The following KCNJ3 variants were observed in gnomAD, a reference collection of about 807,000 sequenced individuals.
KCNJ3 encodes potassium inwardly rectifying channel subfamily J member 3.
In KCNJ3, 4 loss-of-function variants were observed where a neutral mutation model predicts 39.2. The ratio of observed to expected loss-of-function variants is 0.10; its 90% CI spans 0.05 to 0.23. The LOEUF (loss-of-function observed/expected upper bound fraction) is 0.23, where lower values mean the gene tolerates loss of function less well. Ranked by LOEUF, KCNJ3 falls within the 10% of genes least tolerant of loss-of-function variation. KCNJ3 has a pLI of 1.00. For synonymous variants in KCNJ3, 230 were observed against 237.4 expected (o/e 0.97, Z 0.29); for missense variants, 276 against 634.9 (o/e 0.43, Z 6.08).
In KCNJ3 at chr2:154,731,481, AT is replaced by A. The variant is rs199685508; in HGVS notation, c.919+21671del. On this transcript the variant is annotated intron_variant, in intron 2 of 2. Transcript: ENST00000295101. ...AATTTATCTAGTTAATTCAAGGAAA[AT>A]TTTTTTTTCTGAAATGTACAAGTTA... 4.7e-3 allele frequency among the ~76,000 whole-genome samples: 714 copies of A among 151,034 alleles called. 2 individuals are homozygous for A. The highest frequency in any genetic ancestry group is 0.013 in the African/African-American group (533 of 41,192).
chr2:154,728,673 T>C (rs1685400351), intron 2 of KCNJ3, among the ~76,000 whole-genome samples: 2 of 152,160 alleles, frequency 1.3e-5, no homozygotes, highest in South Asian at 4.1e-4. Flanking sequence ...TGTCAGGTGA[T>C]TGGGCTGTAG....
chr2:154,727,423 T>TA (rs747975225), intron 2 of KCNJ3, among the ~76,000 whole-genome samples: 2,889 of 142,130 alleles, frequency 0.02, 55 homozygotes, highest in Non-Finnish European at 0.025. Flanking sequence ...CCGTCTCTAC[T>TA]AAAAAAAAAA....
At chr2:154,821,691 G>C (rs532309340) in intron 2 of KCNJ3, among the ~76,000 whole-genome samples, 1 of 137,870 alleles carries the variant, frequency 7.3e-6, no homozygotes, top group South Asian at 2.3e-4. Flanking sequence ...GTCCAGGCTA[G>C]AGTTTAGTGG....
At chr2:154,793,067 T>C (rs1686664272) in intron 2 of KCNJ3, among the ~76,000 whole-genome samples, 2 of 152,110 alleles carry the variant, frequency 1.3e-5, no homozygotes, top group African/African-American at 4.8e-5. Context: ...CACAGGCTGA[T>C]TTAAAATTTT....
At chr2:154,715,172 T>C (rs1433065394) in intron 2 of KCNJ3, among the ~76,000 whole-genome samples, 1 of 152,230 alleles carries the variant, frequency 6.6e-6, no homozygotes, top group Admixed American at 6.5e-5. Flanking sequence ...ATCACGGTAC[T>C]TCTAAATCAC....
At chr2:154,815,356 T>C (rs1687066917) in intron 2 of KCNJ3, among the ~76,000 whole-genome samples, 2 of 152,342 alleles carry the variant, frequency 1.3e-5, no homozygotes, top group South Asian at 4.1e-4. Context: ...CAAAGATCTA[T>C]ATCAATAATT....
In KCNJ3 at chr2:154,790,109, G is replaced by A. The variant is rs530011303; in HGVS notation, c.920-64618G>A. Among the ~76,000 whole-genome samples the A allele has an allele frequency of 8.5e-5, 13 of 152,144 alleles. No homozygotes were observed. The Middle Eastern group carries it at 0.01, about 119-fold the overall frequency. Reference sequence around the variant, plus strand: ...GGGGGCATGATCTTACTTCTTTGTCGTGACAGATAAACGACAGAGAGAACA... The same window carrying A: ...GGGGGCATGATCTTACTTCTTTGTCATGACAGATAAACGACAGAGAGAACA... On this transcript the variant is annotated intron_variant, in intron 2 of 2. Transcript: ENST00000295101.
intron 2 of KCNJ3, among the ~76,000 whole-genome samples, chr2:154,759,623 C>A: frequency 6.6e-6 from 1 of 151,698 alleles, no homozygotes; most frequent in East Asian, 1.9e-4. Flanking sequence ...TCACTAAGAC[C>A]AAAGCACCTT....
intron 1 of KCNJ3, among the ~76,000 whole-genome samples, chr2:154,707,915 C>T (rs190599705): frequency 5.3e-5 from 8 of 152,170 alleles, no homozygotes. Context: ...AGATGTTGGT[C>T]TCATTTATGT....
At chr2:154,731,431 C>T (rs185015044) in intron 2 of KCNJ3, among the ~76,000 whole-genome samples, 2 of 152,006 alleles carry the variant, frequency 1.3e-5, no homozygotes, top group East Asian at 3.9e-4. Flanking sequence ...TTCCTATGCC[C>T]ATTTTTCTGT....
chr2:154,844,905 G>A (rs572163752), intron 2 of KCNJ3, among the ~76,000 whole-genome samples: 4 of 152,274 alleles, frequency 2.6e-5, no homozygotes, highest in African/African-American at 9.6e-5. Flanking sequence ...TGCTTCCTGG[G>A]TGAGGCGACG....
At chr2:154,830,137 C>A (rs1378191308) in intron 2 of KCNJ3, among the ~76,000 whole-genome samples, 1 of 152,096 alleles carries the variant, frequency 6.6e-6, no homozygotes, top group Non-Finnish European at 1.5e-5. Context: ...ACAGGAAATT[C>A]CTCCTCTGTA....
chr2:154,711,788 T>C (rs1451346719), intron 2 of KCNJ3, among the ~76,000 whole-genome samples: 1 of 152,156 alleles, frequency 6.6e-6, no homozygotes, highest in Non-Finnish European at 1.5e-5. Context: ...CAGAGGATCA[T>C]GGTTAGTACA....
chr2:154,851,200 C>A lies in KCNJ3; in HGVS notation c.920-3527C>A, dbSNP rs577086539. ...GAGGCTGCAGTGAGCTATGATCCCA[C>A]CACTGCACTCCAGCCTGAGTGGCAG... On this transcript the variant is annotated intron_variant, in intron 2 of 2. Coordinates refer to ENST00000295101, the MANE Select transcript of KCNJ3 (RefSeq NM_002239.4). 9.9e-5 allele frequency among the ~76,000 whole-genome samples: 15 copies of A among 152,110 alleles called. No homozygotes were observed. The East Asian group carries it at 2.9e-3, about 29-fold the overall frequency.
intron 2 of KCNJ3, among the ~76,000 whole-genome samples, chr2:154,826,697 GT>G (rs1687276807): frequency 6.6e-6 from 1 of 152,140 alleles, no homozygotes; most frequent in Non-Finnish European, 1.5e-5. Context: ...TATGATGAAT[GT>G]TAGCAAGACT....
chr2:154,710,440 T>C (rs757184905), intron 2 of KCNJ3, among the ~76,000 whole-genome samples: 27 of 152,202 alleles, frequency 1.8e-4, no homozygotes, highest in Non-Finnish European at 1.5e-4. Context: ...CTCCTTAACA[T>C]CCAATATAAC....
At chr2:154,744,170 G>T (rs568163038) in intron 2 of KCNJ3, among the ~76,000 whole-genome samples, 19 of 151,646 alleles carry the variant, frequency 1.3e-4, no homozygotes, top group Non-Finnish European at 2.7e-4. Flanking sequence ...AACCAGCTTT[G>T]CAAACCTGGA....
rs191654174 is a variant in KCNJ3, at chr2:154,743,836, T to C, written c.919+34017T>C. Among the ~76,000 whole-genome samples the C allele has an allele frequency of 6.8e-4, 103 of 151,738 alleles. 1 individual carries two copies. In the East Asian group the frequency reaches 0.016, roughly 24 times the overall value. ...TTTCTGTTTTTGTTTTTGTTTTTTTTCTTCCCATAATGTGGAGTCTTGAAC... is the reference window on the plus strand; with the variant it reads ...TTTCTGTTTTTGTTTTTGTTTTTTTCCTTCCCATAATGTGGAGTCTTGAAC... On this transcript the variant is annotated intron_variant, in intron 2 of 2. Transcript: ENST00000295101.
At chr2:154,740,013 A>G (rs1156303937) in intron 2 of KCNJ3, among the ~76,000 whole-genome samples, 1 of 151,996 alleles carries the variant, frequency 6.6e-6, no homozygotes, top group Non-Finnish European at 1.5e-5. Context: ...TGAGAAGAAA[A>G]TCTCTTTATA....
Sources: gnomAD v4.1 joint callset for allele counts (sites outside exome capture counted in the v4.1 genomes callset) on GRCh38, gnomAD v4.1.1 for gene constraint, MANE v1.5 for transcripts, NCBI Gene and HGNC (gene_info 2026-07-23, HGNC 2026-07-21) for gene names.